Variants in CDK14 observed in about 807,000 individuals in gnomAD.
CDK14 encodes the protein cyclin-dependent kinase 14.
Under a neutral mutation model 60.7 loss-of-function variants are expected in CDK14, and 34 were observed. The ratio of observed to expected loss-of-function variants is 0.56; its 90% confidence interval spans 0.43 to 0.75. The LOEUF is 0.75. Ranked by LOEUF, CDK14 falls within the 30% of genes least tolerant of loss-of-function variation. CDK14 has a pLI of 0.00. For synonymous variants in CDK14, 197 were observed against 203.7 expected, an observed-to-expected ratio of 0.97 and a Z score of 0.28; for missense variants, 482 against 564.1, an observed-to-expected ratio of 0.85 and a Z score of 1.47.
Position 91,210,297 on chromosome 7 carries a change from C to G in CDK14, c.*3161C>G, listed in dbSNP as rs547748016. 2.6e-5 allele frequency: 4 copies of G among 151,990 alleles called. No homozygotes were observed. In the South Asian group the frequency reaches 6.3e-4, roughly 24 times the overall value. 9.4% of individuals were successfully genotyped at this position (151,990 alleles called of 1,614,324 possible). Reference sequence around the variant, plus strand: ...TAGAGGCACATACAAAACCTACATTCTCTAGTTGGGAGTGGATTTTTAAAG... The same window carrying G: ...TAGAGGCACATACAAAACCTACATTGTCTAGTTGGGAGTGGATTTTTAAAG... On this transcript the variant is annotated 3_prime_UTR_variant, in exon 15 of 15. Coordinates refer to ENST00000380050, the MANE Select transcript of CDK14 (RefSeq NM_001287135.2).
At chr7:91,053,436 C>T (rs77290721) in intron 11 of CDK14, among the ~76,000 whole-genome samples, 7 of 152,126 alleles carry the variant, frequency 4.6e-5, no homozygotes, top group Non-Finnish European at 5.9e-5. Flanking sequence ...CCTAGACCTA[C>T]GAAGGAGAAT....
At chr7:91,023,680 A>C (rs1197634199) in intron 10 of CDK14, among the ~76,000 whole-genome samples, 1 of 152,214 alleles carries the variant, frequency 6.6e-6, no homozygotes, top group Non-Finnish European at 1.5e-5. Context: ...GCATTATTTC[A>C]TGAACTCTCA....
intron 10 of CDK14, among the ~76,000 whole-genome samples, chr7:91,009,408 A>C (rs563133504): frequency 6.6e-6 from 1 of 152,306 alleles, no homozygotes; most frequent in South Asian, 2.1e-4. Flanking sequence ...AAGCTCAATC[A>C]ATACGGTGGG....
At chr7:90,669,938 A>G (rs1288903313) in intron 2 of CDK14, among the ~76,000 whole-genome samples, 2 of 152,222 alleles carry the variant, frequency 1.3e-5, no homozygotes, top group African/African-American at 4.8e-5. Flanking sequence ...GGAACTGGAA[A>G]AAGTCCTCAA....
intron 2 of CDK14, among the ~76,000 whole-genome samples, chr7:90,696,178 G>A (rs1563047834): frequency 1.3e-5 from 2 of 152,080 alleles, no homozygotes; most frequent in Non-Finnish European, 2.9e-5. Flanking sequence ...TGGATATAGG[G>A]TAGCAGAGTA....
intron 2 of CDK14, among the ~76,000 whole-genome samples, chr7:90,708,976 T>A (rs1801965947): frequency 6.6e-6 from 1 of 152,128 alleles, no homozygotes; most frequent in African/African-American, 2.4e-5. Flanking sequence ...ATCCTTCCTT[T>A]GCCGCCTAGC....
chr7:91,061,283 T>A (rs891567668), intron 11 of CDK14, among the ~76,000 whole-genome samples: 4 of 152,230 alleles, frequency 2.6e-5, no homozygotes, highest in African/African-American at 7.2e-5. Context: ...GCATTGGTTA[T>A]TCTAGTTAGC....
chr7:90,995,842 C>T (rs1006192993), intron 10 of CDK14, among the ~76,000 whole-genome samples: 12 of 152,228 alleles, frequency 7.9e-5, no homozygotes, highest in Admixed American at 2.6e-4. Context: ...ATTCTGAATC[C>T]GAGTCTCAGG....
chr7:91,201,044 CT>C (rs35673031), intron 14 of CDK14, among the ~76,000 whole-genome samples: 1 of 151,950 alleles, frequency 6.6e-6, no homozygotes, highest in African/African-American at 2.4e-5. Context: ...TTTTTATTTC[CT>C]TTTTGAAAGC....
chr7:90,692,589 G>C, intron 2 of CDK14: 1 of 560,536 alleles, frequency 1.8e-6, no homozygotes, highest in South Asian at 7.7e-5. Context: ...GCAGACTAAT[G>C]ATATGGACTA....
At chr7:90,607,592 C>G (rs898731949) in intron 2 of CDK14, among the ~76,000 whole-genome samples, 8 of 152,180 alleles carry the variant, frequency 5.3e-5, no homozygotes, top group Non-Finnish European at 1.0e-4. Context: ...GAATTATATT[C>G]AGGAACTATG....
At chr7:90,629,780 C>T (rs12704554) in intron 2 of CDK14, among the ~76,000 whole-genome samples, 1 of 151,676 alleles carries the variant, frequency 6.6e-6, no homozygotes, top group Non-Finnish European at 1.5e-5. Flanking sequence ...TAATCTCAGT[C>T]CTTTGGGAGG....
chr7:90,653,460 T>C (rs1378162629), intron 2 of CDK14, among the ~76,000 whole-genome samples: 1 of 152,012 alleles, frequency 6.6e-6, no homozygotes, highest in African/African-American at 2.4e-5. Context: ...TCCTTTCCCA[T>C]TTTTCCTCCT....
intron 4 of CDK14, among the ~76,000 whole-genome samples, chr7:90,751,344 G>T (rs1803836677): frequency 6.6e-6 from 1 of 152,108 alleles, no homozygotes; most frequent in African/African-American, 2.4e-5. Context: ...AACCTTACAA[G>T]CCAGGAGAGT....
At chr7:90,802,368 C>CT (rs1158011284) in intron 5 of CDK14, among the ~76,000 whole-genome samples, 28 of 152,258 alleles carry the variant, frequency 1.8e-4, no homozygotes, top group African/African-American at 5.3e-4. Flanking sequence ...TTTAAAGACA[C>CT]TATTTGTAGC....
chr7:91,092,328 C>T (rs937322772), intron 12 of CDK14, among the ~76,000 whole-genome samples: 17 of 152,190 alleles, frequency 1.1e-4, no homozygotes, highest in Non-Finnish European at 4.4e-5. Flanking sequence ...TCTACAACCT[C>T]CTCCACATGA....
intron 2 of CDK14, among the ~76,000 whole-genome samples, chr7:90,715,695 G>C (rs1310573233): frequency 1.4e-5 from 2 of 147,962 alleles, no homozygotes; most frequent in African/African-American, 5.0e-5. Context: ...AGAGTTTTAA[G>C]GGAATAGTGT....
chr7:91,091,518 A>ATATATATATATATATATATAT (rs1562900735), intron 12 of CDK14, among the ~76,000 whole-genome samples: 3 of 43,252 alleles, frequency 6.9e-5, no homozygotes, highest in African/African-American at 2.2e-4. Context: ...TATATATATA[A>ATATATATATATATATATATAT]ATTAGCCAGG....
rs1178201962 is a variant in CDK14, at chr7:91,152,628, G to T, written c.*28+34420G>T. ...ATTGAGTACTATGTGCTATGTGCTG[G>T]GGCTGTAAAGCTTAGAAATAATTAG... On this transcript the variant is annotated intron_variant, in intron 14 of 14. Coordinates refer to ENST00000380050, the MANE Select transcript of CDK14 (RefSeq NM_001287135.2). 3.9e-5 allele frequency among the ~76,000 whole-genome samples: 6 copies of T among 152,040 alleles called. No individual in the cohort carries two copies. In the East Asian group the frequency reaches 1.2e-3, roughly 29 times the overall value.
Sources: gnomAD v4.1 joint callset for allele counts (sites outside exome capture counted in the v4.1 genomes callset) on GRCh38, gnomAD v4.1.1 for gene constraint, MANE v1.5 for transcripts, NCBI Gene and HGNC (gene_info 2026-07-23, HGNC 2026-07-21) for gene names.